PANX3: variants seen among roughly 807,000 people sequenced by gnomAD.
PANX3 encodes the protein pannexin-3.
PANX3 carries 18 observed loss-of-function variants against 31.5 expected under a neutral mutation model. The observed-to-expected ratio is 0.57, with a 90% CI of 0.39 to 0.85. The LOEUF (loss-of-function observed/expected upper bound fraction) is 0.85, where lower values mean the gene tolerates loss of function less well. Ranked by LOEUF, PANX3 falls within the 40% of genes least tolerant of loss-of-function variation. The probability of loss-of-function intolerance (pLI) is 0.00; values close to 1 mark genes in which losing one functional copy is unlikely to be tolerated. For missense variants in PANX3, 426 were observed against 485.4 expected (o/e 0.88, Z 1.15); for synonymous variants, 194 against 201.6 (o/e 0.96, Z 0.32).
At chr11:124,619,049 GTGTAATAAATCATTACTCAC>G (rs1863184204) in intron 3 of PANX3, among the ~76,000 whole-genome samples, 1 of 152,188 alleles carries the variant, frequency 6.6e-6, no homozygotes, top group African/African-American at 2.4e-5. Flanking sequence ...CAGAAATCCA[GTGTAATAAATCATTACTCAC>G]TGATCATTCA....
Position 124,617,252 on chromosome 11 carries a change from C to A in PANX3, c.325-22C>A, listed in dbSNP as rs1390103274. 4 of 1,590,498 alleles carry A rather than the reference C, an allele frequency of 2.5e-6. No homozygotes were observed. The African/African-American group carries it at 4.0e-5, about 16-fold the overall frequency. On this transcript the variant is annotated intron_variant, in intron 2 of 3. Transcript: ENST00000284288. ...GGTCTCAGCAGCCCCGGCCTCCCTC[C>A]TCAGCTGCTCTCGCCCTGCAGGCCC... is the stretch of plus-strand genomic sequence containing the variant.
chr11:124,615,440 A>G (rs955829101), intron 2 of PANX3, among the ~76,000 whole-genome samples: 3 of 152,120 alleles, frequency 2.0e-5, no homozygotes, highest in Admixed American at 1.3e-4. Flanking sequence ...TTTTTCTTCA[A>G]ATTCTCTTCT....
rs1863165794 is a variant in PANX3, at chr11:124,617,389, T to C, written c.440T>C (p.Leu147Pro). 1 of 1,614,104 alleles carries C rather than the reference T, an allele frequency of 6.2e-7. No individual in the cohort carries two copies. The highest frequency in any genetic ancestry group is 2.2e-5 in the East Asian group (1 of 44,880). The change falls in exon 3 of 4, where the codon CTG becomes CCG. Residue 147 changes from leucine to proline, a missense_variant. Physicochemically the swap from Leu to Pro is moderately conservative, Grantham distance 98 (BLOSUM62 -3). Coordinates refer to ENST00000284288, the MANE Select transcript of PANX3 (RefSeq NM_052959.3). ...GATCTGCTGTTCATCATCAGCGAACTGGACAAATCTTATAATCGCTCCATC... is the reference window on the plus strand; with the variant it reads ...GATCTGCTGTTCATCATCAGCGAACCGGACAAATCTTATAATCGCTCCATC... ...SSDLLFIISE[L>P]DKSYNRSIRL...
At position 124,620,023 on chromosome 11, in the gene PANX3, A is replaced by C; in HGVS notation, c.*88A>C. 7.2e-7 allele frequency: 1 copy of C among 1,382,064 alleles called. No individual in the cohort carries two copies. Among genetic ancestry groups the C allele is most frequent in the South Asian group, 1.5e-5 (1 of 68,294 alleles). The allele number at this position is 1,382,064 out of a possible 1,614,324, so 85.6% of individuals were successfully genotyped here. ...CACTAATACACATACACACCAAAAA[A>C]TTACACATTTTAAAACTGCTAAGCT... On this transcript the variant is annotated 3_prime_UTR_variant, in exon 4 of 4. Transcript: ENST00000284288.
At chr11:124,617,020 G>A (rs1863160408) in intron 2 of PANX3, among the ~76,000 whole-genome samples, 1 of 146,724 alleles carries the variant, frequency 6.8e-6, no homozygotes, top group Non-Finnish European at 1.5e-5. Context: ...TCTTCTCCCT[G>A]GGACCCCACA....
chr11:124,614,260 C>T lies in PANX3; in HGVS notation c.324+1138C>T, dbSNP rs528360236. 4.0e-5 allele frequency among the ~76,000 whole-genome samples: 6 copies of T among 150,620 alleles called. No individual in the cohort carries two copies. The South Asian group carries it at 8.4e-4, about 21-fold the overall frequency. ...GATCAAATTGCCTGATAATCAAGAT[C>T]GCCAGAAAACTTTATTTTTTTGAGA... On this transcript the variant is annotated intron_variant, in intron 2 of 3. Coordinates refer to ENST00000284288, the MANE Select transcript of PANX3 (RefSeq NM_052959.3).
In PANX3 at chr11:124,616,960, C is replaced by T. The variant is rs947470531; in HGVS notation, c.325-314C>T. Reference sequence around the variant, plus strand: ...CCCTTCCCCTCTCCTTCCCACCTCTCCTCTCTCTCTCTCTCCTTATTCTCT... The same window carrying T: ...CCCTTCCCCTCTCCTTCCCACCTCTTCTCTCTCTCTCTCTCCTTATTCTCT... On this transcript the variant is annotated intron_variant, in intron 2 of 3. Transcript: ENST00000284288. The surrounding 1 kb of genome is among the most constrained non-coding windows in gnomAD (Gnocchi z 4.8). 1.3e-5 allele frequency among the ~76,000 whole-genome samples: 2 copies of T among 149,918 alleles called. No individual in the cohort carries two copies. The highest frequency in any genetic ancestry group is 4.9e-5 in the African/African-American group (2 of 40,616).
At position 124,616,988 on chromosome 11, in the gene PANX3, C is replaced by A. The variant is rs906064567; in HGVS notation, c.325-286C>A. Among the ~76,000 whole-genome samples, 4 of 112,372 alleles carry A rather than the reference C, an allele frequency of 3.6e-5. No homozygotes were observed. The highest frequency in any genetic ancestry group is 3.1e-4 in the African/African-American group (4 of 12,794). The allele number at this position is 112,372 out of a possible 152,430, so 73.7% of individuals were successfully genotyped here. ...CTCTCTCTCTCTCCTTATTCTCTCTCTCTCTCCTTATTCTCTCTCTCTCTT... is the reference window on the plus strand; with the variant it reads ...CTCTCTCTCTCTCCTTATTCTCTCTATCTCTCCTTATTCTCTCTCTCTCTT... On this transcript the variant is annotated intron_variant, in intron 2 of 3. Coordinates refer to ENST00000284288, the MANE Select transcript of PANX3 (RefSeq NM_052959.3). The surrounding 1 kb of genome is among the most constrained non-coding windows in gnomAD (Gnocchi z 4.8).
intron 2 of PANX3, among the ~76,000 whole-genome samples, chr11:124,614,512 C>T (rs550395988): frequency 3.9e-5 from 6 of 152,106 alleles, no homozygotes; most frequent in Non-Finnish European, 8.8e-5. Flanking sequence ...AGGTGATCCA[C>T]CTGCCTCAGC....
rs1468672605 is a variant in PANX3 at position 124,619,621 on chromosome 11, T to C, written c.865T>C (p.Tyr289His). Residue 289 changes from tyrosine to histidine, a missense_variant, in exon 4 of 4, where the codon TAC becomes CAC. Tyr to His is a moderately conservative substitution (Grantham distance 83). Coordinates refer to ENST00000284288, the MANE Select transcript of PANX3 (RefSeq NM_052959.3). ...IYTILVPVII[Y>H]NLTRLCRWDK... ...CACCATATTGGTTCCAGTGATAATA[T>C]ACAACCTCACACGGCTATGTCGGTG... 11 of 1,614,106 alleles carry C rather than the reference T, an allele frequency of 6.8e-6. No individual in the cohort carries two copies. Among genetic ancestry groups the C allele is most frequent in the South Asian group, 3.3e-5 (3 of 91,082 alleles).
chr11:124,619,093 A>G (rs1863184660), intron 3 of PANX3, among the ~76,000 whole-genome samples: 1 of 152,206 alleles, frequency 6.6e-6, no homozygotes, highest in Non-Finnish European at 1.5e-5. Context: ...GGTTTATCAC[A>G]TTGCAGTAAG....
At position 124,619,772 on chromosome 11, in the gene PANX3, A is replaced by G; in HGVS notation, c.1016A>G (p.Glu339Gly). 1 of 1,614,200 alleles carries G rather than the reference A, an allele frequency of 6.2e-7. No individual in the cohort carries two copies. The change falls in exon 4 of 4, where the codon GAG becomes GGG. Residue 339 changes from glutamate to glycine, a missense_variant. Coordinates refer to ENST00000284288, the MANE Select transcript of PANX3 (RefSeq NM_052959.3). ...CTTTTCCTCCGAGCTAACATCTCTG[A>G]GCTCATCTCTTTTAGCTGGCTGAGT... ...ILLFLRANIS[E>G]LISFSWLSVL...
In PANX3 at chr11:124,616,835, G is replaced by C. The variant is rs1034125036; in HGVS notation, c.325-439G>C. On this transcript the variant is annotated intron_variant, in intron 2 of 3. Coordinates refer to ENST00000284288, the MANE Select transcript of PANX3 (RefSeq NM_052959.3). The surrounding 1 kb of genome is among the most constrained non-coding windows in gnomAD (Gnocchi z 4.8). Reference sequence around the variant, plus strand: ...CTCTGCTGGCCATGATCCCTAGCTAGCTAGCTGCCCAGACTACTTTGAGGG... The same window carrying C: ...CTCTGCTGGCCATGATCCCTAGCTACCTAGCTGCCCAGACTACTTTGAGGG... 6.6e-6 allele frequency among the ~76,000 whole-genome samples: 1 copy of C among 152,152 alleles called. No homozygotes were observed. Among genetic ancestry groups the C allele is most frequent in the East Asian group, 1.9e-4 (1 of 5,190 alleles).
rs574502336 is a variant in PANX3, at chr11:124,617,558, T to C, written c.539+70T>C. The C allele has an allele frequency of 4.1e-6, 6 of 1,466,120 alleles. No individual in the cohort carries two copies. The East Asian group carries it at 1.1e-4, about 28-fold the overall frequency. The allele number at this position is 1,466,120 out of a possible 1,614,324, so 90.8% of individuals were successfully genotyped here. ...TTAAAATGATAACTTTGCATAGTCA[T>C]CTTTAAATGATCTTCCATGCCATCC... On this transcript the variant is annotated intron_variant, in intron 3 of 3. Coordinates refer to ENST00000284288, the MANE Select transcript of PANX3 (RefSeq NM_052959.3).
rs1032273791 is a variant in PANX3, at chr11:124,614,182, A to G, written c.324+1060A>G. Among the ~76,000 whole-genome samples, 23 of 151,636 alleles carry G rather than the reference A, an allele frequency of 1.5e-4. 1 individual carries two copies. Among genetic ancestry groups the G allele is most frequent in the Admixed American group, 5.3e-4 (8 of 15,224 alleles). ...ATCTAAATGGTAAAAAAAAAAAAAA[A>G]AAAAAAAAAGAAAAATAAATTCTGT... On this transcript the variant is annotated intron_variant, in intron 2 of 3. Transcript: ENST00000284288.
rs567744118 is a variant in PANX3, at chr11:124,613,892, T to C, written c.324+770T>C. ...CTTCTATCTTGCAACTGCTTTCCAG[T>C]CTTCAATATTGGGCTCCCTTGTCTC... is the stretch of plus-strand genomic sequence containing the variant. On this transcript the variant is annotated intron_variant, in intron 2 of 3. Transcript: ENST00000284288. Among the ~76,000 whole-genome samples, 75 of 152,234 alleles carry C rather than the reference T, an allele frequency of 4.9e-4. 1 individual carries two copies. The South Asian group carries it at 0.015, about 31-fold the overall frequency.
chr11:124,620,290 C>A lies in PANX3; in HGVS notation c.*355C>A. 5.5e-6 allele frequency: 1 copy of A among 182,822 alleles called. No homozygotes were observed. The highest frequency in any genetic ancestry group is 1.1e-5 in the Non-Finnish European group (1 of 88,892). 11.3% of individuals were successfully genotyped at this position (182,822 alleles called of 1,614,324 possible). A position where few individuals can be genotyped will look rare whatever the true frequency, so the allele number is the denominator to read the frequency against. ...CCATATCCTTTCTTGAACGCACATTCAGCTTACCCCAGAGAGCAAGTGAGG... is the reference window on the plus strand; with the variant it reads ...CCATATCCTTTCTTGAACGCACATTAAGCTTACCCCAGAGAGCAAGTGAGG... On this transcript the variant is annotated 3_prime_UTR_variant, in exon 4 of 4. Coordinates refer to ENST00000284288, the MANE Select transcript of PANX3 (RefSeq NM_052959.3).
chr11:124,612,929 C>T (rs756420198), intron 1 of PANX3, 51 bp from the exon 2 acceptor site: 3 of 1,600,956 alleles, frequency 1.9e-6, no homozygotes. Flanking sequence ...CCCTGAGTCC[C>T]CACTCCTCCA....
Position 124,613,143 on chromosome 11 carries a change from G to A in PANX3, c.324+21G>A, listed in dbSNP as rs780685643. 1.9e-6 allele frequency: 3 copies of A among 1,609,556 alleles called. No individual in the cohort carries two copies. The South Asian group carries it at 3.3e-5, about 18-fold the overall frequency. ...ACAAGGTAAAGCAAACTCTCTGTAA[G>A]GCCAGCTTCACGGCTGAGTGGAGTG... On this transcript the variant is annotated intron_variant, in intron 2 of 3. Coordinates refer to ENST00000284288, the MANE Select transcript of PANX3 (RefSeq NM_052959.3).
Sources: allele counts gnomAD v4.1 joint callset (sites outside exome capture counted in the v4.1 genomes callset), GRCh38; gene constraint gnomAD v4.1.1; non-coding constraint Gnocchi (gnomAD v3.1); transcripts MANE v1.5; gene names NCBI Gene and HGNC (gene_info 2026-07-23, HGNC 2026-07-21).